Variants in SMIM41 observed in about 807,000 individuals in gnomAD.
SMIM41 encodes the protein small integral membrane protein 41.
At chr12:52,085,607 T>C (rs1939881396) in intron 2 of SMIM41, among the ~76,000 whole-genome samples, 1 of 152,238 alleles carries the variant, frequency 6.6e-6, no homozygotes, top group Non-Finnish European at 1.5e-5. Flanking sequence ...GAGGGAGGTC[T>C]TCTCACATGT....
intron 2 of SMIM41, among the ~76,000 whole-genome samples, chr12:52,100,451 TTTTC>T (rs1263857324): frequency 2.6e-5 from 4 of 151,856 alleles, no homozygotes; most frequent in Admixed American, 6.6e-5. Context: ...GGGAGTAATA[TTTTC>T]TTTCTTTTTT....
rs187232700 is a variant in SMIM41 at position 52,100,584 on chromosome 12, G to A, written c.*196-6795G>A. 2.8e-3 allele frequency among the ~76,000 whole-genome samples: 415 copies of A among 150,328 alleles called. 1 individual carries two copies. The highest frequency in any genetic ancestry group is 5.9e-3 in the South Asian group (28 of 4,774). ...CGATTCTCCTGTCTCAGCCTTCTGA[G>A]TAGCTGGGATTACAGGCATGCGCTA... is the stretch of plus-strand genomic sequence containing the variant. On this transcript the variant is annotated intron_variant, in intron 2 of 2. Transcript: ENST00000546390.
At chr12:52,085,140 C>T (rs563015489) in intron 2 of SMIM41, among the ~76,000 whole-genome samples, 8 of 152,290 alleles carry the variant, frequency 5.3e-5, no homozygotes, top group Admixed American at 3.3e-4. Context: ...CAGAAGGGAG[C>T]GTATTGTCCC....
At chr12:52,087,272 C>T (rs112447058) in intron 2 of SMIM41, among the ~76,000 whole-genome samples, 189 of 152,370 alleles carry the variant, frequency 1.2e-3, no homozygotes, top group African/African-American at 4.2e-3. Flanking sequence ...CTGGCTGTCA[C>T]GTCCAAGCAT....
rs149875066 is a variant in SMIM41 at position 52,089,597 on chromosome 12, AAAAACAAAACAAAAC to A, written c.*195+5654_*195+5668del. Among the ~76,000 whole-genome samples, 44 of 149,102 alleles carry A rather than the reference AAAAACAAAACAAAAC, an allele frequency of 3.0e-4. No individual in the cohort carries two copies. The East Asian group carries it at 4.8e-3, about 16-fold the overall frequency. ...AACAGAGCAAGACCCCCGCCTTCAA[AAAAACAAAACAAAAC>A]AAAACAAAACAAAACAAAACAAAAA... On this transcript the variant is annotated intron_variant, in intron 2 of 2. Coordinates refer to ENST00000546390, the MANE Select transcript of SMIM41 (RefSeq NM_001369216.1).
At chr12:52,089,673 TCCGGTGGTGA>T (rs904206678) in intron 2 of SMIM41, among the ~76,000 whole-genome samples, 36 of 152,266 alleles carry the variant, frequency 2.4e-4, no homozygotes, top group African/African-American at 8.7e-4. Flanking sequence ...CCGCCTCGCT[TCCGGTGGTGA>T]CCGGTGGTGG....
At chr12:52,085,874 G>C (rs1035223711) in intron 2 of SMIM41, among the ~76,000 whole-genome samples, 4 of 152,218 alleles carry the variant, frequency 2.6e-5, no homozygotes, top group Non-Finnish European at 5.9e-5. Flanking sequence ...GTCCGCTGCT[G>C]ATGGGGCCAT....
chr12:52,094,024 G>A (rs192901123), intron 2 of SMIM41, among the ~76,000 whole-genome samples: 13 of 151,434 alleles, frequency 8.6e-5, no homozygotes, highest in African/African-American at 2.9e-4. Context: ...CCAGCTACTC[G>A]GGAGGCTGAG....
At chr12:52,085,211 T>C (rs1204972706) in intron 2 of SMIM41, among the ~76,000 whole-genome samples, 2 of 152,184 alleles carry the variant, frequency 1.3e-5, no homozygotes, top group Non-Finnish European at 2.9e-5. Context: ...CAGGGCTCCA[T>C]GGTGGGAGCA....
chr12:52,097,153 C>T lies in SMIM41; in HGVS notation c.*196-10226C>T, dbSNP rs905123440. ...CTATGGCAGGGGGTGAACACCCCCT[C>T]CATGATATTGTTCCTAATATTCAGG... On this transcript the variant is annotated intron_variant, in intron 2 of 2. Transcript: ENST00000546390. Among the ~76,000 whole-genome samples, 3 of 152,150 alleles carry T rather than the reference C, an allele frequency of 2.0e-5. No homozygotes were observed. In the East Asian group the frequency reaches 5.8e-4, roughly 29 times the overall value.
In SMIM41 at chr12:52,081,792, C is replaced by T. The variant is rs370097312; in HGVS notation, c.*120+1611C>T. ...ACTGGGAACCCCTTTCTTTTACACG[C>T]GGGAGAACAGTAAGTGACATGCTCA... On this transcript the variant is annotated intron_variant, in intron 1 of 2. Coordinates refer to ENST00000546390, the MANE Select transcript of SMIM41 (RefSeq NM_001369216.1). The surrounding 1 kb of genome is among the most constrained non-coding windows in gnomAD (Gnocchi z 4.1). 3.9e-5 allele frequency among the ~76,000 whole-genome samples: 6 copies of T among 152,126 alleles called. No individual in the cohort carries two copies. Among genetic ancestry groups the T allele is most frequent in the African/African-American group, 9.7e-5 (4 of 41,412 alleles).
Position 52,094,940 on chromosome 12 carries a change from GC to G in SMIM41, c.*195+10977del, listed in dbSNP as rs1198138216. 3.4e-5 allele frequency: 5 copies of G among 148,802 alleles called. No individual in the cohort carries two copies. In the East Asian group the frequency reaches 9.7e-4, roughly 29 times the overall value. 9.2% of individuals were successfully genotyped at this position (148,802 alleles called of 1,614,324 possible). A position where few individuals can be genotyped will look rare whatever the true frequency, so the allele number is the denominator to read the frequency against. On this transcript the variant is annotated intron_variant, in intron 2 of 2. Coordinates refer to ENST00000546390, the MANE Select transcript of SMIM41 (RefSeq NM_001369216.1). ...ATAGACTGCCCACCCCTACACCCCT[GC>G]CCCCTGTTTTTTTTTTTTTTTTGAG...
intron 2 of SMIM41, chr12:52,084,895 C>T (rs954519406): frequency 6.6e-6 from 1 of 152,170 alleles, no homozygotes; most frequent in African/African-American, 2.4e-5. Context: ...TGTCAAAACC[C>T]AACAAAAATG....
intron 2 of SMIM41, among the ~76,000 whole-genome samples, chr12:52,095,270 A>G (rs773541522): frequency 3.3e-5 from 5 of 150,998 alleles, no homozygotes; most frequent in Non-Finnish European, 7.4e-5. Context: ...GCGGGGAGTA[A>G]CATCTCCCCC....
intron 2 of SMIM41, among the ~76,000 whole-genome samples, chr12:52,085,036 G>A (rs1939874130): frequency 6.6e-6 from 1 of 152,176 alleles, no homozygotes; most frequent in Non-Finnish European, 1.5e-5. Context: ...TGAATACTGT[G>A]TGTGCGGTGG....
chr12:52,097,512 G>A (rs1197179617), intron 2 of SMIM41, among the ~76,000 whole-genome samples: 9 of 152,040 alleles, frequency 5.9e-5, no homozygotes, highest in Admixed American at 5.9e-4. Flanking sequence ...GTCCCTCCCT[G>A]CATGTTAGCA....
At chr12:52,100,559 C>T (rs1459228078) in intron 2 of SMIM41, among the ~76,000 whole-genome samples, 8 of 150,724 alleles carry the variant, frequency 5.3e-5, no homozygotes, top group Non-Finnish European at 8.8e-5. Context: ...CGTATTCAAG[C>T]GATTCTCCTG....
chr12:52,102,411 A>G (rs1940235249), intron 2 of SMIM41, among the ~76,000 whole-genome samples: 1 of 152,234 alleles, frequency 6.6e-6, no homozygotes, highest in East Asian at 1.9e-4. Context: ...ACTTTTGTAC[A>G]TCAAAAAACA....
intron 2 of SMIM41, among the ~76,000 whole-genome samples, chr12:52,085,891 A>G (rs1939885373): frequency 6.6e-6 from 1 of 152,196 alleles, no homozygotes; most frequent in South Asian, 2.1e-4. Flanking sequence ...CCATGGGCAG[A>G]CAGGCGGCTG....
Sources: gnomAD v4.1 joint callset for allele counts (sites outside exome capture counted in the v4.1 genomes callset) on GRCh38, gnomAD v4.1.1 for gene constraint, Gnocchi (gnomAD v3.1) non-coding constraint, MANE v1.5 for transcripts, NCBI Gene and HGNC (gene_info 2026-07-23, HGNC 2026-07-21) for gene names.